Variants in MED25 observed in about 807,000 individuals in gnomAD.
The protein encoded by MED25 is mediator complex subunit 25.
MED25 carries 62 observed loss-of-function variants against 89.4 expected under a neutral mutation model. The observed-to-expected ratio is 0.69, with a 90% CI of 0.57 to 0.86. The LOEUF (loss-of-function observed/expected upper bound fraction) is 0.86. Among genes scored for constraint, MED25 ranks in the 40% least tolerant of loss-of-function variants. MED25 has a pLI of 0.00. For missense variants in MED25, 905 were observed against 1,005.2 expected (o/e 0.90, Z 1.35); for synonymous variants, 449 against 427.9 (o/e 1.05, Z -0.61).
intron 3 of MED25, among the ~76,000 whole-genome samples, chr19:49,822,141 C>T (rs147835893): frequency 0.031 from 4,740 of 150,608 alleles, 159 homozygotes; most frequent in South Asian, 0.12. Context: ...CAGGCACCTG[C>T]AGTCCCAGCT....
At position 49,835,818 on chromosome 19, in the gene MED25, C is replaced by T. The variant is rs1218096796; in HGVS notation, c.1838C>T (p.Pro613Leu). ...GQPQPQGTAQ[P>L]PPGAPQGPPG... ...CCCCAGCCCCAAGGTACTGCCCAGCCCCCGCCAGGTGCCCCTCAAGGCCCT... is the reference window on the plus strand; with the variant it reads ...CCCCAGCCCCAAGGTACTGCCCAGCTCCCGCCAGGTGCCCCTCAAGGCCCT... The change falls in exon 16 of 18, where the codon CCC (proline) becomes CTC (leucine). Residue 613 changes from proline (P) to leucine (L), a missense_variant. By Grantham distance (98) the Pro-to-Leu change is moderately conservative. Around this residue, in one of 3 missense-constraint regions of MED25, gnomAD observed 271 missense variants for 258.1 expected, o/e 1.05. Transcript: ENST00000312865. The surrounding 1 kb of genome is among the most constrained non-coding windows in gnomAD (Gnocchi z 6.2). 5.0e-6 allele frequency: 8 copies of T among 1,608,832 alleles called. No individual in the cohort carries two copies. Among genetic ancestry groups the T allele is most frequent in the Non-Finnish European group, 6.8e-6 (8 of 1,176,920 alleles).
In MED25 at chr19:49,818,885, T is replaced by C. The variant is rs371600367; in HGVS notation, c.180+269T>C. The C allele has an allele frequency of 7.8e-4, 447 of 570,328 alleles. 5 individuals carry two copies. In the South Asian group the frequency reaches 8.7e-3, roughly 11 times the overall value. 35.3% of individuals were successfully genotyped at this position (570,328 alleles called of 1,614,324 possible). The stretch of plus-strand genomic sequence containing the variant: ...GGTCTGAGGGAGGAAGGGCTGGGCG[T>C]CTGGACTGCTGGGTCTGAGAAAGGA... On this transcript the variant is annotated intron_variant, in intron 2 of 17. Transcript: ENST00000312865.
rs1448711945 is a variant in MED25, at chr19:49,828,463, G to T, written c.320G>T (p.Gly107Val). The stretch of plus-strand genomic sequence containing the variant: ...TGCCCCTGCAGGTTCATGGGCGGGG[G>T]TGGTGAGAGCTGCAGCCTCATCGCG... The part of the protein sequence containing the change: ...WLDGIKFMGG[G>V]GESCSLIAEG... Residue 107 changes from glycine to valine, a missense_variant, in exon 4 of 18, where the codon GGT becomes GTT. Coordinates refer to ENST00000312865, the MANE Select transcript of MED25 (RefSeq NM_030973.4). The T allele has an allele frequency of 1.9e-6, 3 of 1,613,756 alleles. No individual in the cohort carries two copies. Among genetic ancestry groups the T allele is most frequent in the Non-Finnish European group, 1.7e-6 (2 of 1,179,804 alleles).
chr19:49,831,284 G>C lies in MED25; in HGVS notation c.1102-49G>C. On this transcript the variant is annotated intron_variant, in intron 9 of 17. Coordinates refer to ENST00000312865, the MANE Select transcript of MED25 (RefSeq NM_030973.4). The surrounding 1 kb of genome is among the most constrained non-coding windows in gnomAD (Gnocchi z 5.0). ...TGCCCTCACAGGATGGCCCCCGGAG[G>C]CTCCCGGCCTTCCCCATTCTCATGG... The C allele has an allele frequency of 6.3e-7, 1 of 1,589,268 alleles. No homozygotes were observed. The highest frequency in any genetic ancestry group is 8.5e-7 in the Non-Finnish European group (1 of 1,169,916).
chr19:49,819,699 T>A, intron 3 of MED25: 1 of 343,798 alleles, frequency 2.9e-6, no homozygotes, highest in Non-Finnish European at 5.6e-6. Flanking sequence ...CCCTGTGTGA[T>A]TGTCCCCTTT....
At chr19:49,819,915 T>A (rs2073970697) in intron 3 of MED25, 1 of 156,512 alleles carries the variant, frequency 6.4e-6, no homozygotes, top group Non-Finnish European at 1.4e-5. Context: ...AACCTGTACC[T>A]CCTGGGTTGA....
chr19:49,829,061 A>G lies in MED25; in HGVS notation c.496A>G (p.Thr166Ala), dbSNP rs2074034765. 2.5e-6 allele frequency: 4 copies of G among 1,613,946 alleles called. No individual in the cohort carries two copies. The highest frequency in any genetic ancestry group is 2.5e-6 in the Non-Finnish European group (3 of 1,179,942). ...GAGCACCACGTACTCTGGATGCACAACTGAGAATCTTGTGCAGCAGATTGG... is the reference window on the plus strand; with the variant it reads ...GAGCACCACGTACTCTGGATGCACAGCTGAGAATCTTGTGCAGCAGATTGG... ...VESTTYSGCT[T>A]ENLVQQIGER... The change falls in exon 5 of 18, where the codon ACT becomes GCT. Residue 166 changes from threonine (T) to alanine (A), a missense_variant. Thr to Ala is a moderately conservative substitution (Grantham distance 58, BLOSUM62 0). Coordinates refer to ENST00000312865, the MANE Select transcript of MED25 (RefSeq NM_030973.4). This position sits in a 1 kb window ranked among gnomAD's most constrained non-coding sequence, Gnocchi z 4.6.
downstream of MED25, chr19:49,840,059 C>T (rs2074123538): frequency 2.0e-5 from 3 of 152,158 alleles, no homozygotes; most frequent in South Asian, 6.2e-4. Flanking sequence ...TTGTGAACAG[C>T]TGTTTTCCGT....
At chr19:49,828,679 CAGG>C (rs1276172283) in intron 4 of MED25, 132 bp downstream of exon 4, 2 of 922,862 alleles carry the variant, frequency 2.2e-6, no homozygotes, top group African/African-American at 1.6e-5. Context: ...CACGCTGAGC[CAGG>C]AGGCTGCAGG....
intron 3 of MED25, among the ~76,000 whole-genome samples, chr19:49,827,448 T>A (rs1193655917): frequency 1.3e-5 from 2 of 152,094 alleles, no homozygotes; most frequent in Non-Finnish European, 2.9e-5. Flanking sequence ...TCTGAAATCT[T>A]ACAGGGGAAG....
rs760470054 is a variant in MED25, at chr19:49,830,155, C to T, written c.756C>T (p.Pro252=). 2 of 1,598,290 alleles carry T rather than the reference C, an allele frequency of 1.3e-6. No homozygotes were observed. The highest frequency in any genetic ancestry group is 3.3e-5 in the Admixed American group (2 of 59,950). The part of the protein sequence containing the change: ...KQPVPLPPAA[P]SGATLSAAPQ... Reference sequence around the variant, plus strand: ...CAGTCCCCCTGCCTCCCGCCGCACCCTCAGGTGCCACTCTCTCAGCAGCCC... The same window carrying T: ...CAGTCCCCCTGCCTCCCGCCGCACCTTCAGGTGCCACTCTCTCAGCAGCCC... The change falls in exon 7 of 18, where the codon CCC becomes CCT. Residue 252 remains proline, a synonymous_variant. Transcript: ENST00000312865. This position sits in a 1 kb window ranked among gnomAD's most constrained non-coding sequence, Gnocchi z 4.6.
At chr19:49,837,953 AAGGTGAGGG>A (rs564041706), downstream of MED25, among the ~76,000 whole-genome samples, 72 of 152,204 alleles carry the variant, frequency 4.7e-4, no homozygotes, top group Non-Finnish European at 9.4e-4. Context: ...GGGACGTGGC[AAGGTGAGGG>A]ACCTGAAGGA....
chr19:49,831,802 G>C lies in MED25; in HGVS notation c.1231-134G>C, dbSNP rs113913594. 4.9e-5 allele frequency: 41 copies of C among 834,308 alleles called. No individual in the cohort carries two copies. The highest frequency in any genetic ancestry group is 3.4e-4 in the African/African-American group (20 of 59,448). The allele number at this position is 834,308 out of a possible 1,614,324, so 51.7% of individuals were successfully genotyped here. A position where few individuals can be genotyped will look rare whatever the true frequency, so the allele number is the denominator to read the frequency against. ...GGAACTGAAGGCTTGCTGGTCTGGA[G>C]GAGGGGCCTGGGGCTCATGGGACTT... On this transcript the variant is annotated intron_variant, in intron 10 of 17. Transcript: ENST00000312865. This position sits in a 1 kb window ranked among gnomAD's most constrained non-coding sequence, Gnocchi z 5.0.
At position 49,830,370 on chromosome 19, in the gene MED25, T is replaced by C. The variant is rs2074046257; in HGVS notation, c.820-141T>C. The C allele has an allele frequency of 1.5e-5, 17 of 1,142,208 alleles. No individual in the cohort carries two copies. In the South Asian group the frequency reaches 2.1e-4, roughly 14 times the overall value. The allele number at this position is 1,142,208 out of a possible 1,614,324, so 70.8% of individuals were successfully genotyped here. On this transcript the variant is annotated intron_variant, in intron 7 of 17. Coordinates refer to ENST00000312865, the MANE Select transcript of MED25 (RefSeq NM_030973.4). The surrounding 1 kb of genome is among the most constrained non-coding windows in gnomAD (Gnocchi z 4.6). ...GGACTCTTGGGGCCATGGAAGCTCA[T>C]GTGCTGTGTGATGGGTGTTGTGAGC...
chr19:49,819,364 G>GGT (rs1285010152), intron 3 of MED25, 68 bp downstream of exon 3: 3 of 1,457,650 alleles, frequency 2.1e-6, no homozygotes, highest in African/African-American at 2.7e-5. Flanking sequence ...TGATGGCTTG[G>GGT]GGTGGTTGGT....
Position 49,830,389 on chromosome 19 carries a change from T to TA in MED25, c.820-122_820-121insA. On this transcript the variant is annotated intron_variant, in intron 7 of 17. Transcript: ENST00000312865. This position sits in a 1 kb window ranked among gnomAD's most constrained non-coding sequence, Gnocchi z 4.6. ...AGCTCATGTGCTGTGTGATGGGTGT[T>TA]GTGAGCTAAGCTATCCCAGCTGGTG... 5 of 1,185,764 alleles carry TA rather than the reference T, an allele frequency of 4.2e-6. No individual in the cohort carries two copies. The South Asian group carries it at 6.3e-5, about 15-fold the overall frequency. 73.5% of individuals were successfully genotyped at this position (1,185,764 alleles called of 1,614,324 possible).
chr19:49,826,408 G>T (rs551594860), intron 3 of MED25, among the ~76,000 whole-genome samples: 1 of 152,184 alleles, frequency 6.6e-6, no homozygotes, highest in Non-Finnish European at 1.5e-5. Context: ...TGGGAGCAGC[G>T]CCCGAGTGCC....
chr19:49,836,285 T>C lies in MED25; in HGVS notation c.2025T>C (p.Ala675=). 1.2e-6 allele frequency: 2 copies of C among 1,612,032 alleles called. No homozygotes were observed. Among genetic ancestry groups the C allele is most frequent in the Non-Finnish European group, 1.7e-6 (2 of 1,179,600 alleles). The change falls in exon 17 of 18, where the codon GCT becomes GCC. Residue 675 remains alanine (A), a synonymous_variant. Coordinates refer to ENST00000312865, the MANE Select transcript of MED25 (RefSeq NM_030973.4). This position sits in a 1 kb window ranked among gnomAD's most constrained non-coding sequence, Gnocchi z 5.1. The part of the protein sequence containing the change: ...ASLHHLQPPG[A]PALLPPPHQG... ...TCCACCACCTCCAGCCACCAGGGGC[T>C]CCTGCGCTGCTGCCTCCGCCGCACC...
intron 2 of MED25, 111 bp downstream of exon 2, chr19:49,818,727 G>A: frequency 9.5e-7 from 1 of 1,054,180 alleles, no homozygotes; most frequent in Non-Finnish European, 1.5e-6. Flanking sequence ...GAGGGAGGAG[G>A]GGCTGGGGGT....
Sources: allele counts gnomAD v4.1 joint callset (sites outside exome capture counted in the v4.1 genomes callset), GRCh38; gene constraint gnomAD v4.1.1; regional missense constraint gnomAD v4.1.1; non-coding constraint Gnocchi (gnomAD v3.1); transcripts MANE v1.5; gene names NCBI Gene and HGNC (gene_info 2026-07-23, HGNC 2026-07-21).